Variants in ZNF483 observed in about 807,000 individuals in gnomAD.
The protein encoded by ZNF483 is zinc finger protein HIT-10.
Under a neutral mutation model 28.6 loss-of-function variants are expected in ZNF483, and 9 were observed. The ratio of observed to expected loss-of-function variants is 0.32; its 90% CI spans 0.19 to 0.55. The LOEUF (loss-of-function observed/expected upper bound fraction) is 0.55. Ranked by LOEUF, ZNF483 falls within the 20% of genes least tolerant of loss-of-function variation. The pLI, the probability that ZNF483 is intolerant of heterozygous loss-of-function variation, is 0.93. For missense variants in ZNF483, 675 were observed against 871.7 expected, an observed-to-expected ratio of 0.77 and a Z score of 2.84; for synonymous variants, 322 against 306.2, an observed-to-expected ratio of 1.05 and a Z score of -0.54.
rs1564608109 is a variant in ZNF483 at position 111,561,149 on chromosome 9, GA to G, written c.722-15215del. Among the ~76,000 whole-genome samples the G allele has an allele frequency of 3.8e-4, 6 of 15,902 alleles. 1 individual carries two copies. Among genetic ancestry groups the G allele is most frequent in the Non-Finnish European group, 5.5e-4 (4 of 7,292 alleles). 10.4% of individuals were successfully genotyped at this position (15,902 alleles called of 152,430 possible). ...GAGAGAGAGAGAGAGGAGAGAGAGG[GA>G]GAGAGAGAGAGAGAGAGAGAGAGAG... On this transcript the variant is annotated intron_variant, in intron 5 of 5. Transcript: ENST00000358151.
chr9:111,539,391 A>G, intron 5 of ZNF483: 2 of 455,828 alleles, frequency 4.4e-6, no homozygotes, highest in East Asian at 1.4e-4. Context: ...TTAAAGCAGT[A>G]TAACCTTTCT....
rs1827677874 is a variant in ZNF483, at chr9:111,541,807, T to C, written c.872T>C (p.Leu291Pro). 3.1e-6 allele frequency: 5 copies of C among 1,614,040 alleles called. No individual in the cohort carries two copies. The South Asian group carries it at 5.5e-5, about 18-fold the overall frequency. Reference protein sequence around the residue: ...SKGRVAQNKTLGSGSRGKKFD... With the variant: ...SKGRVAQNKTPGSGSRGKKFD... The stretch of plus-strand genomic sequence containing the variant: ...GGAAGAGTCGCACAAAACAAAACTC[T>C]TGGGAGTGGCAGTAGGGGTAAGAAA... Residue 291 changes from leucine (L) to proline (P), a missense_variant, in exon 6 of 6, where the codon CTT becomes CCT. Coordinates refer to ENST00000309235, the MANE Select transcript of ZNF483 (RefSeq NM_133464.5).
chr9:111,537,579 C>T (rs1827545519), intron 5 of ZNF483, among the ~76,000 whole-genome samples: 1 of 151,894 alleles, frequency 6.6e-6, no homozygotes, highest in Admixed American at 6.6e-5. Context: ...ACAAGAGGTG[C>T]CTATGAAATT....
intron 3 of ZNF483, among the ~76,000 whole-genome samples, chr9:111,532,921 A>C (rs181431011): frequency 6.6e-6 from 1 of 152,174 alleles, no homozygotes; most frequent in East Asian, 1.9e-4. Flanking sequence ...AAAAAAAAAA[A>C]GAAAAAAAAG....
Position 111,544,002 on chromosome 9 carries a change from C to T in ZNF483, c.*832C>T. 1 of 985,312 alleles carries T rather than the reference C, an allele frequency of 1.0e-6. No individual in the cohort carries two copies. The highest frequency in any genetic ancestry group is 5.2e-4 in the Middle Eastern group (1 of 1,914). The allele number at this position is 985,312 out of a possible 1,614,324, so 61.0% of individuals were successfully genotyped here. A position where few individuals can be genotyped will look rare whatever the true frequency, so the allele number is the denominator to read the frequency against. ...TGCAGGAATCCCTCAAATGCTGTAA[C>T]TAGGAATGGGTCAGTGAAGTTCAAA... On this transcript the variant is annotated 3_prime_UTR_variant, in exon 6 of 6. Transcript: ENST00000309235.
At chr9:111,568,623 C>G (rs1387378692) in intron 5 of ZNF483, among the ~76,000 whole-genome samples, 2 of 152,158 alleles carry the variant, frequency 1.3e-5, no homozygotes, top group Admixed American at 6.6e-5. Context: ...TCGTACACCC[C>G]CTCCCCTTTT....
rs913236757 is a variant in ZNF483, at chr9:111,549,593, A to G, written c.*6423A>G. ...GATTATCAGAGTGGGTCGATAATCT[A>G]CAAGCTTTGCTAAACCTACCTGTAG... is the stretch of plus-strand genomic sequence containing the variant. On this transcript the variant is annotated 3_prime_UTR_variant, in exon 6 of 6. Coordinates refer to ENST00000309235, the MANE Select transcript of ZNF483 (RefSeq NM_133464.5). The G allele has an allele frequency of 3.8e-5, 29 of 760,632 alleles. No individual in the cohort carries two copies. The highest frequency in any genetic ancestry group is 2.1e-4 in the South Asian group (12 of 57,306). The allele number at this position is 760,632 out of a possible 1,614,324, so 47.1% of individuals were successfully genotyped here. A position where few individuals can be genotyped will look rare whatever the true frequency, so the allele number is the denominator to read the frequency against.
At position 111,543,463 on chromosome 9, in the gene ZNF483, T is replaced by C; in HGVS notation, c.*293T>C. 2 of 1,120,478 alleles carry C rather than the reference T, an allele frequency of 1.8e-6. No individual in the cohort carries two copies. Among genetic ancestry groups the C allele is most frequent in the South Asian group, 3.0e-5 (1 of 33,188 alleles). The allele number at this position is 1,120,478 out of a possible 1,614,324, so 69.4% of individuals were successfully genotyped here. On this transcript the variant is annotated 3_prime_UTR_variant, in exon 6 of 6. Transcript: ENST00000309235. ...TTCTCTCTGATTTCTTCTACTACCA[T>C]GTAGTGTGATGGAGAGAACTTGACT...
At chr9:111,566,134 T>C (rs148729303) in intron 5 of ZNF483, among the ~76,000 whole-genome samples, 1 of 151,936 alleles carries the variant, frequency 6.6e-6, no homozygotes, top group Non-Finnish European at 1.5e-5. Flanking sequence ...ACCCAGGAAG[T>C]AGAGGTTGCA....
At chr9:111,528,143 G>A in intron 2 of ZNF483, 1 of 973,358 alleles carries the variant, frequency 1.0e-6, no homozygotes, top group Non-Finnish European at 1.4e-6. Flanking sequence ...GAAAGTGTTT[G>A]GAGTCACAGG....
Position 111,534,816 on chromosome 9 carries a change from C to T in ZNF483, c.721+463C>T, listed in dbSNP as rs564939075. Among the ~76,000 whole-genome samples, 15 of 150,358 alleles carry T rather than the reference C, an allele frequency of 1.0e-4. No homozygotes were observed. In the East Asian group the frequency reaches 2.4e-3, roughly 24 times the overall value. ...TCGGCTCACTGCAACCTCCGCCTCC[C>T]GGGTTCAAGTGATTCTCCTGCCTCA... On this transcript the variant is annotated intron_variant, in intron 5 of 5. Coordinates refer to ENST00000309235, the MANE Select transcript of ZNF483 (RefSeq NM_133464.5).
Position 111,533,764 on chromosome 9 carries a change from C to A in ZNF483, c.527C>A (p.Ala176Asp). 6.3e-7 allele frequency: 1 copy of A among 1,586,172 alleles called. No individual in the cohort carries two copies. The highest frequency in any genetic ancestry group is 1.4e-5 in the African/African-American group (1 of 72,698). ...SCESITLKDVAVNFSRGEWKK... is the reference protein window; with the variant it reads ...SCESITLKDVDVNFSRGEWKK... ...GAATCTATAACATTGAAGGATGTAG[C>A]TGTGAACTTTTCAAGAGGAGAGTGG... The change falls in exon 4 of 6, where the codon GCT (alanine) becomes GAT (aspartate). Residue 176 changes from alanine (A) to aspartate (D), a missense_variant. By Grantham distance (126) the Ala-to-Asp change is moderately radical (BLOSUM62 -2). Around this residue, in one of 6 missense-constraint regions of ZNF483, gnomAD observed 525 missense variants for 581.8 expected, o/e 0.90. Coordinates refer to ENST00000309235, the MANE Select transcript of ZNF483 (RefSeq NM_133464.5).
chr9:111,547,181 A>G lies in ZNF483; in HGVS notation c.*4011A>G, dbSNP rs997468833. Among the ~76,000 whole-genome samples the G allele has an allele frequency of 6.6e-6, 1 of 152,170 alleles. No homozygotes were observed. Among genetic ancestry groups the G allele is most frequent in the Non-Finnish European group, 1.5e-5 (1 of 67,992 alleles). On this transcript the variant is annotated 3_prime_UTR_variant, in exon 6 of 6. Transcript: ENST00000309235. ...TTTCTGTTCTTTTAAGTATATGCCT[A>G]GAAATAGAATTGCTGGATCTTATGA... is the stretch of plus-strand genomic sequence containing the variant.
intron 2 of ZNF483, chr9:111,528,101 TC>T: frequency 8.0e-7 from 1 of 1,248,064 alleles, no homozygotes; most frequent in Admixed American, 2.9e-5. Flanking sequence ...GTAATTTCTT[TC>T]CCATCCCCTT....
At chr9:111,561,573 TTTTAAG>T (rs977124491) in intron 5 of ZNF483, among the ~76,000 whole-genome samples, 5 of 152,176 alleles carry the variant, frequency 3.3e-5, no homozygotes, top group Non-Finnish European at 7.3e-5. Flanking sequence ...TTCAGTAATG[TTTTAAG>T]TTTTTCTTCA....
intron 5 of ZNF483, among the ~76,000 whole-genome samples, chr9:111,534,998 C>T (rs538760022): frequency 6.6e-6 from 1 of 152,234 alleles, no homozygotes; most frequent in South Asian, 2.1e-4. Flanking sequence ...GCTGGGATTA[C>T]AGGTATGAGC....
intron 5 of ZNF483, among the ~76,000 whole-genome samples, chr9:111,572,756 CA>C (rs58101079): frequency 0.034 from 2,128 of 63,492 alleles, 17 homozygotes; most frequent in African/African-American, 0.13. Context: ...GACCCTGTCT[CA>C]AAAAAAAAAA....
rs904399032 is a variant in ZNF483 at position 111,553,538 on chromosome 9, C to T, written c.*10368C>T. Reference sequence around the variant, plus strand: ...AGTAAACACATTGTGATTTTACATCCGTGCATAGAAAAAAAAATCATCTGA... The same window carrying T: ...AGTAAACACATTGTGATTTTACATCTGTGCATAGAAAAAAAAATCATCTGA... On this transcript the variant is annotated 3_prime_UTR_variant, in exon 6 of 6. Coordinates refer to ENST00000309235, the MANE Select transcript of ZNF483 (RefSeq NM_133464.5). Among the ~76,000 whole-genome samples the T allele has an allele frequency of 7.2e-5, 11 of 151,822 alleles. No individual in the cohort carries two copies. The highest frequency in any genetic ancestry group is 2.4e-4 in the African/African-American group (10 of 41,348).
chr9:111,574,826 G>A, intron 5 of ZNF483: 2 of 1,613,428 alleles, frequency 1.2e-6, no homozygotes, highest in Non-Finnish European at 1.7e-6. Flanking sequence ...AACAGTGTTT[G>A]AAAACTCTCC....
Sources: gnomAD v4.1 joint callset for allele counts (sites outside exome capture counted in the v4.1 genomes callset) on GRCh38, gnomAD v4.1.1 for gene constraint, gnomAD v4.1.1 regional missense constraint, MANE v1.5 for transcripts, NCBI Gene and HGNC (gene_info 2026-07-23, HGNC 2026-07-21) for gene names.